DLG1: variants seen among roughly 807,000 people sequenced by gnomAD.
DLG1 encodes the protein disks large homolog 1.
In DLG1, 42 loss-of-function variants were observed where a neutral mutation model predicts 123.4. The observed-to-expected ratio is 0.34, with a 90% CI of 0.27 to 0.44. The LOEUF (loss-of-function observed/expected upper bound fraction) is 0.44. DLG1 is among the 20% of genes least tolerant of loss of function. The pLI is 1.00. For missense variants in DLG1, 942 were observed against 1,082.6 expected (o/e 0.87, Z 1.82); for synonymous variants, 317 against 356.2 (o/e 0.89, Z 1.24).
intron 4 of DLG1, among the ~76,000 whole-genome samples, chr3:197,268,551 C>G (rs1003211078): frequency 6.6e-6 from 1 of 152,018 alleles, no homozygotes; most frequent in Non-Finnish European, 1.5e-5. Flanking sequence ...TCCCACGTAG[C>G]TGGGACTACA....
At chr3:197,164,778 T>G (rs937815783) in intron 5 of DLG1, among the ~76,000 whole-genome samples, 8 of 149,280 alleles carry the variant, frequency 5.4e-5, no homozygotes, top group Admixed American at 2.0e-4. Context: ...AAAGATTAGC[T>G]AGGTGCGGTG....
intron 11 of DLG1, among the ~76,000 whole-genome samples, chr3:197,121,418 G>T (rs1360971525): frequency 5.9e-5 from 9 of 152,082 alleles, no homozygotes; most frequent in African/African-American, 2.2e-4. Context: ...AGAAGAGCTT[G>T]AAGTGAGAAT....
chr3:197,172,785 A>C (rs953149485), intron 5 of DLG1, among the ~76,000 whole-genome samples: 6 of 152,236 alleles, frequency 3.9e-5, no homozygotes, highest in African/African-American at 7.2e-5. Flanking sequence ...AAATGTAAAA[A>C]ATTGCCAGTT....
intron 12 of DLG1, among the ~76,000 whole-genome samples, chr3:197,117,875 G>A (rs1255599782): frequency 6.6e-6 from 1 of 152,022 alleles, no homozygotes; most frequent in Non-Finnish European, 1.5e-5. Flanking sequence ...ACCACAAATT[G>A]TATACTTTAA....
At chr3:197,173,351 G>T (rs1805257155) in intron 5 of DLG1, among the ~76,000 whole-genome samples, 1 of 152,034 alleles carries the variant, frequency 6.6e-6, no homozygotes. Context: ...TAAGTGCTTT[G>T]CACATATTGT....
At chr3:197,205,468 C>G (rs959067253) in intron 4 of DLG1, among the ~76,000 whole-genome samples, 1 of 152,012 alleles carries the variant, frequency 6.6e-6, no homozygotes, top group African/African-American at 2.4e-5. Flanking sequence ...CCAAAAATGT[C>G]AGAATAGGTA....
intron 10 of DLG1, among the ~76,000 whole-genome samples, chr3:197,131,828 C>T (rs920514605): frequency 9.9e-5 from 15 of 151,684 alleles, no homozygotes; most frequent in Admixed American, 9.2e-4. Context: ...CTCCTGACCT[C>T]GTGATCCGCC....
At position 197,208,770 on chromosome 3, in the gene DLG1, A is replaced by G. The variant is rs559402103; in HGVS notation, c.319-14181T>C. Among the ~76,000 whole-genome samples, 6 of 146,082 alleles carry G rather than the reference A, an allele frequency of 4.1e-5. 1 individual carries two copies. The South Asian group carries it at 1.3e-3, about 32-fold the overall frequency. On this transcript the variant is annotated intron_variant, in intron 4 of 24. Coordinates refer to ENST00000667157, the MANE Select transcript of DLG1 (RefSeq NM_001366207.1). ...ATACGGAGAAACCAGGATGCATAGG[A>G]AACAGATAACTTTAGTTGCTTGACG...
intron 5 of DLG1, among the ~76,000 whole-genome samples, chr3:197,175,751 A>G (rs1806678579): frequency 1.3e-5 from 2 of 152,326 alleles, no homozygotes; most frequent in African/African-American, 4.8e-5. Context: ...CTTACAGTTT[A>G]GTGGCTGACA....
chr3:197,279,211 C>T, intron 4 of DLG1, among the ~76,000 whole-genome samples: 1 of 152,154 alleles, frequency 6.6e-6, no homozygotes, highest in Non-Finnish European at 1.5e-5. Flanking sequence ...TCTCTCATAG[C>T]ACCTTCAAAA....
intron 22 of DLG1, among the ~76,000 whole-genome samples, chr3:197,063,609 A>T (rs1281976139): frequency 6.6e-6 from 1 of 152,234 alleles, no homozygotes; most frequent in African/African-American, 2.4e-5. Context: ...AAATTAATTC[A>T]ATCACTTTTA....
intron 4 of DLG1, among the ~76,000 whole-genome samples, chr3:197,265,482 GAATA>G (rs1761282269): frequency 6.6e-6 from 1 of 152,192 alleles, no homozygotes; most frequent in Non-Finnish European, 1.5e-5. Flanking sequence ...AAAGCGTTGA[GAATA>G]AACAGAGCTA....
chr3:197,294,657 CAAA>C (rs71926647), intron 3 of DLG1, among the ~76,000 whole-genome samples: 4 of 79,116 alleles, frequency 5.1e-5, no homozygotes, highest in South Asian at 5.0e-4. Flanking sequence ...GACTCTGCCT[CAAA>C]AAAAAAAAAA....
intron 23 of DLG1, among the ~76,000 whole-genome samples, chr3:197,057,369 G>A (rs545369621): frequency 6.6e-5 from 10 of 152,096 alleles, no homozygotes; most frequent in Non-Finnish European, 1.5e-4. Context: ...GGTGTGAGCC[G>A]CCGCACCTGA....
chr3:197,241,001 A>C (rs1281139275), intron 4 of DLG1, among the ~76,000 whole-genome samples: 1 of 152,198 alleles, frequency 6.6e-6, no homozygotes, highest in Non-Finnish European at 1.5e-5. Context: ...CAAAGAAATA[A>C]TAGAAAACTT....
At chr3:197,200,960 A>G (rs1725337960) in intron 4 of DLG1, among the ~76,000 whole-genome samples, 1 of 152,340 alleles carries the variant, frequency 6.6e-6, no homozygotes, top group African/African-American at 2.4e-5. Flanking sequence ...CTCTTATTCA[A>G]CGCGATACCA....
chr3:197,104,224 G>C lies in DLG1; in HGVS notation c.1546+679C>G, dbSNP rs182254973. Among the ~76,000 whole-genome samples the C allele has an allele frequency of 2.4e-4, 36 of 152,188 alleles. No individual in the cohort carries two copies. The East Asian group carries it at 6.6e-3, about 28-fold the overall frequency. On this transcript the variant is annotated intron_variant, in intron 14 of 24. Coordinates refer to ENST00000667157, the MANE Select transcript of DLG1 (RefSeq NM_001366207.1). ...TTTTTTGGGCATTATTACTATATCTGCTTATGGTTTTTATTATTTTTTCAG... is the reference window on the plus strand; with the variant it reads ...TTTTTTGGGCATTATTACTATATCTCCTTATGGTTTTTATTATTTTTTCAG...
chr3:197,212,194 C>T (rs868107443), intron 4 of DLG1, among the ~76,000 whole-genome samples: 1 of 145,866 alleles, frequency 6.9e-6, no homozygotes, highest in East Asian at 2.0e-4. Context: ...CAAAGCTTCA[C>T]GTGTACCCCT....
chr3:197,151,566 T>C (rs548552948), intron 5 of DLG1, among the ~76,000 whole-genome samples: 7 of 152,326 alleles, frequency 4.6e-5, no homozygotes, highest in East Asian at 1.9e-4. Context: ...CACGAGTTGA[T>C]TGCTGCAGCT....
Sources: allele counts gnomAD v4.1 joint callset (sites outside exome capture counted in the v4.1 genomes callset), GRCh38; gene constraint gnomAD v4.1.1; transcripts MANE v1.5; gene names NCBI Gene and HGNC (gene_info 2026-07-23, HGNC 2026-07-21).